Variants in CCDC134 observed in about 807,000 individuals in gnomAD.
CCDC134 encodes coiled-coil domain containing 134.
A neutral mutation model predicts 25.6 loss-of-function variants in CCDC134; 27 were observed. The observed-to-expected ratio is 1.05, with a 90% CI of 0.78 to 1.45. The LOEUF (loss-of-function observed/expected upper bound fraction) is 1.45. Among genes scored for constraint, CCDC134 ranks in the 40% most tolerant of loss-of-function variants. The probability of loss-of-function intolerance (pLI) is 0.00; values close to 1 mark genes in which losing one functional copy is unlikely to be tolerated. For synonymous variants in CCDC134, 110 were observed against 115.0 expected, an observed-to-expected ratio of 0.96 and a Z score of 0.28; for missense variants, 261 against 286.7, an observed-to-expected ratio of 0.91 and a Z score of 0.65.
At chr22:41,821,804 G>C (rs530537000) in intron 6 of CCDC134, among the ~76,000 whole-genome samples, 5 of 152,150 alleles carry the variant, frequency 3.3e-5, no homozygotes, top group Non-Finnish European at 7.3e-5. Context: ...CCTTAACCTT[G>C]AACAGGAGGG....
At chr22:41,803,205 G>A (rs1367400063) in intron 1 of CCDC134, among the ~76,000 whole-genome samples, 1 of 152,162 alleles carries the variant, frequency 6.6e-6, no homozygotes, top group Non-Finnish European at 1.5e-5. Context: ...TCAGGTTATA[G>A]GGAGCTATGA....
Position 41,826,375 on chromosome 22 carries a change from C to T in CCDC134, c.*552C>T, listed in dbSNP as rs1209325471. The T allele has an allele frequency of 6.6e-6, 1 of 152,462 alleles. No individual in the cohort carries two copies. The highest frequency in any genetic ancestry group is 1.5e-5 in the Non-Finnish European group (1 of 68,248). The allele number at this position is 152,462 out of a possible 1,614,324, so 9.4% of individuals were successfully genotyped here. A position where few individuals can be genotyped will look rare whatever the true frequency, so the allele number is the denominator to read the frequency against. ...AAACAGCTTGGAGGATGCCTCTGCC[C>T]CACCAGGAGGGGCCCCAGGCCCTGG... On this transcript the variant is annotated 3_prime_UTR_variant, in exon 7 of 7. Transcript: ENST00000255784.
chr22:41,810,009 A>C lies in CCDC134; in HGVS notation c.225+9A>C. The C allele has an allele frequency of 6.2e-7, 1 of 1,614,018 alleles. No homozygotes were observed. The highest frequency in any genetic ancestry group is 8.5e-7 in the Non-Finnish European group (1 of 1,179,974). On this transcript the variant is annotated intron_variant, in intron 3 of 6. Transcript: ENST00000255784. ...TCAAGGGGCTCTTTAAGGTGTGTGC[A>C]GGCAGGGGGCAGCTCATGGCAGGTC... is the stretch of plus-strand genomic sequence containing the variant.
intron 1 of CCDC134, among the ~76,000 whole-genome samples, chr22:41,802,982 C>A (rs2076551135): frequency 1.3e-5 from 2 of 151,794 alleles, no homozygotes; most frequent in Admixed American, 1.3e-4. Context: ...GGCGTGGTGG[C>A]ACATGCCTGT....
chr22:41,815,350 C>T (rs370008463), intron 6 of CCDC134, among the ~76,000 whole-genome samples: 2 of 151,812 alleles, frequency 1.3e-5, no homozygotes, highest in South Asian at 2.1e-4. Context: ...GGACTACAGG[C>T]GCCCGCCACC....
intron 6 of CCDC134, among the ~76,000 whole-genome samples, chr22:41,821,148 G>A (rs1011577357): frequency 1.3e-5 from 2 of 152,124 alleles, no homozygotes; most frequent in Non-Finnish European, 1.5e-5. Flanking sequence ...TAAGGAAGGC[G>A]AGGACTGAGA....
chr22:41,818,495 C>T (rs1236935855), intron 6 of CCDC134, among the ~76,000 whole-genome samples: 1 of 152,214 alleles, frequency 6.6e-6, no homozygotes, highest in Non-Finnish European at 1.5e-5. Flanking sequence ...GGAAGCAGGC[C>T]TTTCAAAGGT....
chr22:41,803,770 A>T (rs927625137), intron 1 of CCDC134, among the ~76,000 whole-genome samples: 1 of 152,148 alleles, frequency 6.6e-6, no homozygotes, highest in African/African-American at 2.4e-5. Flanking sequence ...TCTGTCTCCA[A>T]AAATAATGTA....
At position 41,817,966 on chromosome 22, in the gene CCDC134, T is replaced by C. The variant is rs12171152; in HGVS notation, c.564+4144T>C. On this transcript the variant is annotated intron_variant, in intron 6 of 6. Coordinates refer to ENST00000255784, the MANE Select transcript of CCDC134 (RefSeq NM_024821.5). ...AATCAGCCAGCATTGTTACTGGGGCTGGCTGACTGTTGCTGCCCATGGACA... is the reference window on the plus strand; with the variant it reads ...AATCAGCCAGCATTGTTACTGGGGCCGGCTGACTGTTGCTGCCCATGGACA... Among the ~76,000 whole-genome samples the C allele has an allele frequency of 4.4e-3, 664 of 152,288 alleles. 2 individuals carry two copies. The highest frequency in any genetic ancestry group is 0.015 in the African/African-American group (635 of 41,554).
Position 41,813,335 on chromosome 22 carries a change from T to C in CCDC134, c.382T>C (p.Tyr128His). Residue 128 changes from tyrosine (Y) to histidine (H), a missense_variant, in exon 5 of 7, where the codon TAT (tyrosine) becomes CAT (histidine). Transcript: ENST00000255784. ...VVLRFPRIVH[Y>H]YFDHNSNWNL... is the part of the protein sequence containing the mutation. ...GCTGCGCTTCCCGAGGATTGTGCAC[T>C]ATTACTTTGACCACAACTCCAACTG... 1 of 1,614,224 alleles carries C rather than the reference T, an allele frequency of 6.2e-7. No homozygotes were observed. Among genetic ancestry groups the C allele is most frequent in the Non-Finnish European group, 8.5e-7 (1 of 1,180,046 alleles).
At position 41,826,770 on chromosome 22, in the gene CCDC134, T is replaced by G. The variant is rs1019069400; in HGVS notation, c.*947T>G. Among the ~76,000 whole-genome samples, 1 of 152,212 alleles carries G rather than the reference T, an allele frequency of 6.6e-6. No individual in the cohort carries two copies. Among genetic ancestry groups the G allele is most frequent in the Non-Finnish European group, 1.5e-5 (1 of 68,030 alleles). On this transcript the variant is annotated 3_prime_UTR_variant, in exon 7 of 7. Transcript: ENST00000255784. The stretch of plus-strand genomic sequence containing the variant: ...CAGGGCAGGGAAGCTGCAGAGGGCA[T>G]GTGGCCCTGGGTAGGGCAGCTGCCC...
rs1168256598 is a variant in CCDC134, at chr22:41,808,809, G to C, written c.-16-66G>C. 3 of 1,275,306 alleles carry C rather than the reference G, an allele frequency of 2.4e-6. No homozygotes were observed. The African/African-American group carries it at 4.4e-5, about 19-fold the overall frequency. The allele number at this position is 1,275,306 out of a possible 1,614,324, so 79.0% of individuals were successfully genotyped here. A position where few individuals can be genotyped will look rare whatever the true frequency, so the allele number is the denominator to read the frequency against. On this transcript the variant is annotated intron_variant, in intron 1 of 6. Transcript: ENST00000255784. ...TGTCGGGGGAAGCTGCTGTTCACCT[G>C]TGCACTCTATTTTATGTAACACCGA...
Position 41,810,222 on chromosome 22 carries a change from C to G in CCDC134, c.241C>G (p.Arg81Gly), listed in dbSNP as rs147483140. 1.9e-6 allele frequency: 3 copies of G among 1,614,014 alleles called. No individual in the cohort carries two copies. Among genetic ancestry groups the G allele is most frequent in the Non-Finnish European group, 2.5e-6 (3 of 1,179,950 alleles). Residue 81 changes from arginine (R) to glycine (G), a missense_variant, in exon 4 of 7, where the codon CGG (arginine) becomes GGG (glycine). Physicochemically the swap from Arg to Gly is moderately radical, Grantham distance 125. Transcript: ENST00000255784. ...ATTCCCTCAGGTGCTGGAGGACTCCCGGACAGTGCTCACCGCTGCTGATGT... is the reference window on the plus strand; with the variant it reads ...ATTCCCTCAGGTGCTGGAGGACTCCGGGACAGTGCTCACCGCTGCTGATGT... ...KGLFKVLEDS[R>G]TVLTAADVLP...
In CCDC134 at chr22:41,830,884, C is replaced by CTTTTTTTTTTTTTTTTTTTTTT. The variant is rs67246997; in HGVS notation, c.*5062_*5083dup. On this transcript the variant is annotated 3_prime_UTR_variant, in exon 7 of 7. Coordinates refer to ENST00000255784, the MANE Select transcript of CCDC134 (RefSeq NM_024821.5). ...AGATCCTTATTTTTTCTTTTCTTTT[C>CTTTTTTTTTTTTTTTTTTTTTT]TTTTTTTTTTTTTTTTTTTTTTGAG... is the stretch of plus-strand genomic sequence containing the variant. Among the ~76,000 whole-genome samples, 13 of 117,256 alleles carry CTTTTTTTTTTTTTTTTTTTTTT rather than the reference C, an allele frequency of 1.1e-4. No individual in the cohort carries two copies. The highest frequency in any genetic ancestry group is 2.7e-4 in the African/African-American group (7 of 25,486). The allele number at this position is 117,256 out of a possible 152,430, so 76.9% of individuals were successfully genotyped here.
rs147203388 is a variant in CCDC134, at chr22:41,827,277, T to C, written c.*1454T>C. On this transcript the variant is annotated 3_prime_UTR_variant, in exon 7 of 7. Coordinates refer to ENST00000255784, the MANE Select transcript of CCDC134 (RefSeq NM_024821.5). ...ATTTCCCCATCAGAAGGCCCCTCAC[T>C]GGGCAGTGGAGGCAGGGCAGTGTGG... 9.9e-5 allele frequency among the ~76,000 whole-genome samples: 15 copies of C among 152,252 alleles called. No individual in the cohort carries two copies. Among genetic ancestry groups the C allele is most frequent in the African/African-American group, 2.9e-4 (12 of 41,562 alleles).
Position 41,808,983 on chromosome 22 carries a change from C to T in CCDC134, c.93C>T (p.Ser31=). The T allele has an allele frequency of 2.5e-6, 4 of 1,613,184 alleles. No individual in the cohort carries two copies. Among genetic ancestry groups the T allele is most frequent in the South Asian group, 1.1e-5 (1 of 91,058 alleles). Residue 31 remains serine, a synonymous_variant, in exon 2 of 7, where the codon AGC becomes AGT. Transcript: ENST00000255784. ...CCTTGAGGACCTCCCTGGACCCAAGCCTGGAGATCTGTATCCTTTGGGGTT... is the reference window on the plus strand; with the variant it reads ...CCTTGAGGACCTCCCTGGACCCAAGTCTGGAGATCTGTATCCTTTGGGGTT... The part of the protein sequence containing the change: ...TGTLRTSLDP[S]LEIYKKMFEV...
rs1491390298 is a variant in CCDC134, at chr22:41,825,844, CAG to C, written c.*22_*23del. 1.8e-5 allele frequency: 29 copies of C among 1,612,338 alleles called. No individual in the cohort carries two copies. The highest frequency in any genetic ancestry group is 5.0e-5 in the Admixed American group (3 of 59,872). ...TATAGCCCTGGAGCAGCTCAGGGCT[CAG>C]GGGGCCACAAGGAGGCAGGTCGGGA... On this transcript the variant is annotated 3_prime_UTR_variant, in exon 7 of 7. Transcript: ENST00000255784. This position sits in a 1 kb window ranked among gnomAD's most constrained non-coding sequence, Gnocchi z 4.4.
rs929502320 is a variant in CCDC134, at chr22:41,825,929, G to A, written c.*106G>A. Reference sequence around the variant, plus strand: ...GAGCACCAGCTAGCCCCTTCCAGAAGGGGAGGCCACATTTGCCCGGCCCCC... The same window carrying A: ...GAGCACCAGCTAGCCCCTTCCAGAAAGGGAGGCCACATTTGCCCGGCCCCC... On this transcript the variant is annotated 3_prime_UTR_variant, in exon 7 of 7. Transcript: ENST00000255784. The surrounding 1 kb of genome is among the most constrained non-coding windows in gnomAD (Gnocchi z 4.4). 9.6e-5 allele frequency: 143 copies of A among 1,494,102 alleles called. 1 individual carries two copies. The African/African-American group carries it at 1.9e-3, about 19-fold the overall frequency. 92.6% of individuals were successfully genotyped at this position (1,494,102 alleles called of 1,614,324 possible). A position where few individuals can be genotyped will look rare whatever the true frequency, so the allele number is the denominator to read the frequency against.
rs2076688379 is a variant in CCDC134 at position 41,828,146 on chromosome 22, T to G, written c.*2323T>G. On this transcript the variant is annotated 3_prime_UTR_variant, in exon 7 of 7. Coordinates refer to ENST00000255784, the MANE Select transcript of CCDC134 (RefSeq NM_024821.5). ...ATAATTTGAAGCAGAGCTGGGCAAC[T>G]GCAGAGCAATGGGGAAGCCAGCCCA... 6.6e-6 allele frequency among the ~76,000 whole-genome samples: 1 copy of G among 152,160 alleles called. No individual in the cohort carries two copies. Among genetic ancestry groups the G allele is most frequent in the South Asian group, 2.1e-4 (1 of 4,824 alleles).
Sources: allele counts gnomAD v4.1 joint callset (sites outside exome capture counted in the v4.1 genomes callset), GRCh38; gene constraint gnomAD v4.1.1; non-coding constraint Gnocchi (gnomAD v3.1); transcripts MANE v1.5; gene names NCBI Gene and HGNC (gene_info 2026-07-23, HGNC 2026-07-21).